Variants in PPP2R2B observed in about 807,000 individuals in gnomAD.
PPP2R2B encodes serine/threonine-protein phosphatase 2A 55 kDa regulatory subunit B beta isoform.
A neutral mutation model predicts 46.0 loss-of-function variants in PPP2R2B; 5 were observed. That is an observed-to-expected ratio of 0.11 (90% CI 0.06 to 0.23). The LOEUF is 0.23. Ranked by LOEUF, PPP2R2B falls within the 10% of genes least tolerant of loss-of-function variation. The pLI is 1.00. For synonymous variants in PPP2R2B, 215 were observed against 206.7 expected, an observed-to-expected ratio of 1.04 and a Z score of -0.34; for missense variants, 367 against 575.0, an observed-to-expected ratio of 0.64 and a Z score of 3.70.
intron 2 of PPP2R2B, among the ~76,000 whole-genome samples, chr5:146,704,759 C>T (rs1044129261): frequency 1.1e-4 from 17 of 152,026 alleles, no homozygotes; most frequent in African/African-American, 4.1e-4. Flanking sequence ...TCTCAGCATC[C>T]TACAAAAGTT....
intron 1 of PPP2R2B, among the ~76,000 whole-genome samples, chr5:146,909,240 C>T (rs913152050): frequency 2.0e-5 from 3 of 152,182 alleles, no homozygotes; most frequent in Non-Finnish European, 4.4e-5. Context: ...TAGACCATGA[C>T]ATTCCCCCAC....
intron 5 of PPP2R2B, among the ~76,000 whole-genome samples, chr5:146,671,220 G>A (rs1194952322): frequency 1.3e-5 from 2 of 152,186 alleles, no homozygotes; most frequent in Non-Finnish European, 2.9e-5. Context: ...CACCAAGGTA[G>A]TATGTTAGGT....
At position 146,600,347 on chromosome 5, in the gene PPP2R2B, A is replaced by T; in HGVS notation, c.904T>A (p.Leu302Met). 6.2e-7 allele frequency: 1 copy of T among 1,614,018 alleles called. No individual in the cohort carries two copies. The highest frequency in any genetic ancestry group is 1.1e-5 in the South Asian group (1 of 91,068). ...TTGAGATCCCAGACTTTGACGGTCA[A>T]GTAGTCCCTGGTCATGATATACCTC... is the stretch of plus-strand genomic sequence containing the variant. ...SGRYIMTRDY[L>M]TVKVWDLNME... The change falls in exon 8 of 10, where the codon TTG becomes ATG. Residue 302 changes from leucine to methionine, a missense_variant. Physicochemically the swap from Leu to Met is conservative, Grantham distance 15 (BLOSUM62 2). This residue lies in a region of PPP2R2B where 361 missense variants were observed against 545.5 expected (regional missense o/e 0.66). Transcript: ENST00000394411.
At chr5:146,786,613 C>A (rs1755852414) in intron 2 of PPP2R2B, among the ~76,000 whole-genome samples, 1 of 152,180 alleles carries the variant, frequency 6.6e-6, no homozygotes, top group African/African-American at 2.4e-5. Context: ...ATTTATAACT[C>A]CTTTCTGTTT....
At chr5:147,007,399 A>G (rs1266446320) in intron 1 of PPP2R2B, among the ~76,000 whole-genome samples, 1 of 152,004 alleles carries the variant, frequency 6.6e-6, no homozygotes, top group African/African-American at 2.4e-5. Flanking sequence ...AAATGCACCA[A>G]TCAGCACTCT....
intron 1 of PPP2R2B, among the ~76,000 whole-genome samples, chr5:146,958,016 G>A (rs958570211): frequency 1.8e-4 from 28 of 152,032 alleles, no homozygotes; most frequent in Admixed American, 1.6e-3. Flanking sequence ...AATAATGAGG[G>A]AAGTAGGAAA....
chr5:147,038,735 T>C (rs1756157002), intron 1 of PPP2R2B, among the ~76,000 whole-genome samples: 1 of 152,176 alleles, frequency 6.6e-6, no homozygotes, highest in Non-Finnish European at 1.5e-5. Context: ...ATCTTCTTTT[T>C]ATGGCAAACA....
At chr5:146,886,516 A>G (rs770043000) in intron 1 of PPP2R2B, among the ~76,000 whole-genome samples, 75 of 152,244 alleles carry the variant, frequency 4.9e-4, no homozygotes, top group Non-Finnish European at 8.7e-4. Context: ...AAAGATAAAA[A>G]TATCATCACC....
intron 1 of PPP2R2B, among the ~76,000 whole-genome samples, chr5:146,941,450 C>G (rs1764319770): frequency 6.6e-6 from 1 of 152,070 alleles, no homozygotes; most frequent in Admixed American, 6.6e-5. Flanking sequence ...ATTCATAATA[C>G]TTGTGATGGT....
chr5:146,897,491 G>A (rs1451655039), intron 1 of PPP2R2B, among the ~76,000 whole-genome samples: 1 of 152,146 alleles, frequency 6.6e-6, no homozygotes, highest in Non-Finnish European at 1.5e-5. Flanking sequence ...GATAATCTCT[G>A]TGCCTACTCA....
intron 7 of PPP2R2B, among the ~76,000 whole-genome samples, chr5:146,619,418 T>G (rs978111957): frequency 6.6e-6 from 1 of 151,862 alleles, no homozygotes. Flanking sequence ...AGGCGGAGAT[T>G]GCACTCCAGC....
At chr5:147,017,074 G>T (rs896874180) in intron 1 of PPP2R2B, among the ~76,000 whole-genome samples, 206 of 151,546 alleles carry the variant, frequency 1.4e-3, no homozygotes, top group African/African-American at 4.8e-3. Context: ...AGGAATACAA[G>T]AATAAAGGCA....
intron 1 of PPP2R2B, among the ~76,000 whole-genome samples, chr5:146,962,070 T>C (rs1342513256): frequency 6.8e-6 from 1 of 148,020 alleles, no homozygotes; most frequent in East Asian, 2.0e-4. Flanking sequence ...AATGAGTTAA[T>C]AAACTCTTCG....
At chr5:146,900,466 A>ATTGTTCC (rs1762790321) in intron 1 of PPP2R2B, among the ~76,000 whole-genome samples, 1 of 152,060 alleles carries the variant, frequency 6.6e-6, no homozygotes, top group African/African-American at 2.4e-5. Context: ...TTCAAAGGTT[A>ATTGTTCC]TTGTTCCAGC....
chr5:146,800,981 G>T (rs1463263868), intron 2 of PPP2R2B, among the ~76,000 whole-genome samples: 1 of 151,830 alleles, frequency 6.6e-6, no homozygotes, highest in African/African-American at 2.4e-5. Context: ...TGTATACACT[G>T]GGATATCATT....
At chr5:146,856,074 A>G (rs1760645376) in intron 2 of PPP2R2B, among the ~76,000 whole-genome samples, 1 of 152,040 alleles carries the variant, frequency 6.6e-6, no homozygotes, top group Non-Finnish European at 1.5e-5. Context: ...TCTTGACCCC[A>G]AGCTCTTTTT....
intron 1 of PPP2R2B, among the ~76,000 whole-genome samples, chr5:147,007,483 G>A (rs1162450052): frequency 6.6e-6 from 1 of 152,106 alleles, no homozygotes; most frequent in East Asian, 1.9e-4. Flanking sequence ...CTGTAAAATG[G>A]ACCAATCAGC....
chr5:146,589,025 T>G lies in PPP2R2B; in HGVS notation c.*922A>C, dbSNP rs1054282571. ...GGTGGTGGCACTGCTTCCAACTTAC[T>G]GCTTCATTTAGAACACCAGATAATA... is the stretch of plus-strand genomic sequence containing the variant. On this transcript the variant is annotated 3_prime_UTR_variant, in exon 10 of 10. Coordinates refer to ENST00000394411, the MANE Select transcript of PPP2R2B (RefSeq NM_181675.4). 2 of 152,204 alleles carry G rather than the reference T, an allele frequency of 1.3e-5. No individual in the cohort carries two copies. The highest frequency in any genetic ancestry group is 4.8e-5 in the African/African-American group (2 of 41,438). The allele number at this position is 152,204 out of a possible 1,614,324, so 9.4% of individuals were successfully genotyped here. A position where few individuals can be genotyped will look rare whatever the true frequency, so the allele number is the denominator to read the frequency against.
At chr5:146,880,287 C>T (rs1762124278), upstream of PPP2R2B, among the ~76,000 whole-genome samples, 1 of 150,756 alleles carries the variant, frequency 6.6e-6, no homozygotes, top group Non-Finnish European at 1.5e-5. Flanking sequence ...GTGCTTAAGA[C>T]TTATACACTT....
Sources: gnomAD v4.1 joint callset for allele counts (sites outside exome capture counted in the v4.1 genomes callset) on GRCh38, gnomAD v4.1.1 for gene constraint, gnomAD v4.1.1 regional missense constraint, MANE v1.5 for transcripts, NCBI Gene and HGNC (gene_info 2026-07-23, HGNC 2026-07-21) for gene names.